Variants in MDGA2 observed in about 807,000 individuals in gnomAD.
MDGA2 encodes the protein MAM domain-containing glycosylphosphatidylinositol anchor protein 2.
In MDGA2, 40 loss-of-function variants were observed where a neutral mutation model predicts 117.8. The observed-to-expected ratio is 0.34, with a 90% confidence interval of 0.26 to 0.44. MDGA2 has a LOEUF of 0.44. MDGA2 is among the 20% of genes least tolerant of loss of function. The pLI is 1.00. For missense variants in MDGA2, 1,123 were observed against 1,250.6 expected, an observed-to-expected ratio of 0.90 and a Z score of 1.54; for synonymous variants, 452 against 439.0, an observed-to-expected ratio of 1.03 and a Z score of -0.37.
At chr14:46,900,100 G>T (rs1381648014) in intron 10 of MDGA2, among the ~76,000 whole-genome samples, 1 of 152,054 alleles carries the variant, frequency 6.6e-6, no homozygotes, top group African/African-American at 2.4e-5. Context: ...TATACAGATG[G>T]AAAATAAACA....
intron 1 of MDGA2, among the ~76,000 whole-genome samples, chr14:47,607,123 AC>A (rs1896757076): frequency 6.6e-6 from 1 of 152,124 alleles, no homozygotes; most frequent in Non-Finnish European, 1.5e-5. Context: ...AGATATAAAT[AC>A]CCAAGGAAAA....
At chr14:46,914,404 C>A (rs1161899709) in intron 10 of MDGA2, among the ~76,000 whole-genome samples, 1 of 152,012 alleles carries the variant, frequency 6.6e-6, no homozygotes, top group African/African-American at 2.4e-5. Flanking sequence ...TATATTAGTT[C>A]TCTTTTTAAG....
At chr14:46,951,950 G>C (rs1184313709) in intron 9 of MDGA2, among the ~76,000 whole-genome samples, 1 of 151,826 alleles carries the variant, frequency 6.6e-6, no homozygotes, top group African/African-American at 2.4e-5. Context: ...AAAATATCTT[G>C]AGTCAATAAT....
chr14:47,381,929 G>C (rs1430703785), intron 1 of MDGA2, among the ~76,000 whole-genome samples: 1 of 152,126 alleles, frequency 6.6e-6, no homozygotes, highest in Non-Finnish European at 1.5e-5. Flanking sequence ...AAAGAACAAA[G>C]CTGGAGGCAT....
intron 8 of MDGA2, among the ~76,000 whole-genome samples, chr14:47,011,953 G>A (rs977286363): frequency 6.6e-5 from 10 of 151,420 alleles, no homozygotes; most frequent in Non-Finnish European, 1.2e-4. Context: ...TAATGTCAAA[G>A]TGTTCAGTTG....
At chr14:47,379,480 C>T (rs562263301) in intron 1 of MDGA2, among the ~76,000 whole-genome samples, 6 of 152,190 alleles carry the variant, frequency 3.9e-5, no homozygotes, top group South Asian at 4.2e-4. Context: ...ACCCATCTCA[C>T]GTGCAGAGAC....
chr14:47,175,210 T>C lies in MDGA2; in HGVS notation c.596-30936A>G, dbSNP rs1402178361. ...ACCAGATGGATTCACAGCCGAATTCTACCAGAGGTACAAGGAGGAACTGGT... is the reference window on the plus strand; with the variant it reads ...ACCAGATGGATTCACAGCCGAATTCCACCAGAGGTACAAGGAGGAACTGGT... On this transcript the variant is annotated intron_variant, in intron 3 of 16. Transcript: ENST00000399232. 2.6e-5 allele frequency among the ~76,000 whole-genome samples: 4 copies of C among 151,632 alleles called. No individual in the cohort carries two copies. In the East Asian group the frequency reaches 7.7e-4, roughly 29 times the overall value.
chr14:46,843,935 G>A (rs1173426974), intron 16 of MDGA2, among the ~76,000 whole-genome samples: 1 of 152,128 alleles, frequency 6.6e-6, no homozygotes, highest in Non-Finnish European at 1.5e-5. Context: ...ATGAGTCTAA[G>A]ATAATCCTTC....
At chr14:46,970,894 T>G (rs1886236406) in intron 8 of MDGA2, among the ~76,000 whole-genome samples, 2 of 152,056 alleles carry the variant, frequency 1.3e-5, no homozygotes, top group South Asian at 4.1e-4. Flanking sequence ...TAGATATTTC[T>G]CAAAAGAAGA....
chr14:46,973,442 C>T (rs1886342711), intron 8 of MDGA2, among the ~76,000 whole-genome samples: 1 of 152,070 alleles, frequency 6.6e-6, no homozygotes, highest in Non-Finnish European at 1.5e-5. Context: ...ATAAAGCTTG[C>T]AGATCAGCCC....
chr14:47,301,130 T>G (rs1889264639), intron 2 of MDGA2, among the ~76,000 whole-genome samples: 1 of 152,188 alleles, frequency 6.6e-6, no homozygotes, highest in Non-Finnish European at 1.5e-5. Context: ...TTTAACAGCT[T>G]CCTTAGAAGT....
At chr14:46,913,811 C>A (rs1883797600) in intron 10 of MDGA2, among the ~76,000 whole-genome samples, 1 of 152,058 alleles carries the variant, frequency 6.6e-6, no homozygotes, top group South Asian at 2.1e-4. Context: ...TCTATTAAAC[C>A]ACTTACTTTT....
At chr14:47,412,265 A>C (rs995849121) in intron 1 of MDGA2, among the ~76,000 whole-genome samples, 2 of 152,156 alleles carry the variant, frequency 1.3e-5, no homozygotes, top group Admixed American at 1.3e-4. Context: ...AACAAAACAG[A>C]AATAAAAAAA....
At chr14:46,864,534 C>G (rs1881648017) in intron 14 of MDGA2, among the ~76,000 whole-genome samples, 1 of 73,042 alleles carries the variant, frequency 1.4e-5, no homozygotes, top group South Asian at 4.2e-4. Context: ...TTGCGCTTTG[C>G]AGATATTGCT....
chr14:47,659,634 A>C (rs1319879152), intron 1 of MDGA2, among the ~76,000 whole-genome samples: 1 of 152,224 alleles, frequency 6.6e-6, no homozygotes, highest in Admixed American at 6.5e-5. Flanking sequence ...TCTTAGGTGT[A>C]TAAGTGTATA....
At chr14:47,382,731 T>C (rs150713349) in intron 1 of MDGA2, among the ~76,000 whole-genome samples, 149,916 of 152,258 alleles carry the variant, frequency 0.98, 73,855 homozygotes, top group East Asian at 1. Context: ...TGTGGAGAAA[T>C]AAGAACACTT....
At chr14:47,357,457 A>C (rs1484430595) in intron 1 of MDGA2, among the ~76,000 whole-genome samples, 2 of 152,228 alleles carry the variant, frequency 1.3e-5, no homozygotes, top group Admixed American at 1.3e-4. Flanking sequence ...TAGACTATTT[A>C]CTAGCAGAAC....
intron 5 of MDGA2, among the ~76,000 whole-genome samples, chr14:47,102,861 A>T (rs1880422014): frequency 6.6e-6 from 1 of 152,212 alleles, no homozygotes; most frequent in South Asian, 2.1e-4. Context: ...GTCCAAAGAA[A>T]CTGCAGCAAC....
chr14:47,477,876 T>C lies in MDGA2; in HGVS notation c.281-176326A>G, dbSNP rs563338950. On this transcript the variant is annotated intron_variant, in intron 1 of 16. Coordinates refer to ENST00000399232, the MANE Select transcript of MDGA2 (RefSeq NM_001113498.3). ...TCAGATCATCAAGCAAACCTCTTTCTTTTATAGAGGAGAAAACTTTGTCCC... is the reference window on the plus strand; with the variant it reads ...TCAGATCATCAAGCAAACCTCTTTCCTTTATAGAGGAGAAAACTTTGTCCC... Among the ~76,000 whole-genome samples, 2 of 152,284 alleles carry C rather than the reference T, an allele frequency of 1.3e-5. 1 individual carries two copies. The highest frequency in any genetic ancestry group is 4.1e-4 in the South Asian group (2 of 4,830).
Sources: allele counts gnomAD v4.1 joint callset (sites outside exome capture counted in the v4.1 genomes callset), GRCh38; gene constraint gnomAD v4.1.1; transcripts MANE v1.5; gene names NCBI Gene and HGNC (gene_info 2026-07-23, HGNC 2026-07-21).